The following ITGA2 variants were observed in gnomAD, a reference collection of about 807,000 sequenced individuals.
ITGA2 encodes the protein integrin subunit alpha 2.
In ITGA2, 101 loss-of-function variants were observed where a neutral mutation model predicts 146.3. That is an observed-to-expected ratio of 0.69 (90% CI 0.59 to 0.81). The LOEUF is 0.81. Among genes scored for constraint, ITGA2 ranks in the 40% least tolerant of loss-of-function variants. The pLI, the probability that ITGA2 is intolerant of heterozygous loss-of-function variation, is 0.00. For missense variants in ITGA2, 1,281 were observed against 1,402.7 expected, an observed-to-expected ratio of 0.91 and a Z score of 1.39; for synonymous variants, 477 against 487.1, an observed-to-expected ratio of 0.98 and a Z score of 0.27.
rs190842751 is a variant in ITGA2 at position 53,090,807 on chromosome 5, G to A, written c.*208G>A. Reference sequence around the variant, plus strand: ...GCGGGGGGCAGGTAGGGAAATAATAGGGAAAATACCTATTTTATATGATGG... The same window carrying A: ...GCGGGGGGCAGGTAGGGAAATAATAAGGAAAATACCTATTTTATATGATGG... On this transcript the variant is annotated 3_prime_UTR_variant, in exon 30 of 30. Coordinates refer to ENST00000296585, the MANE Select transcript of ITGA2 (RefSeq NM_002203.4). 2.2e-3 allele frequency: 1,334 copies of A among 610,832 alleles called. 11 individuals are homozygous for A. Among genetic ancestry groups the A allele is most frequent in the African/African-American group, 0.02 (1,098 of 53,740 alleles). The allele number at this position is 610,832 out of a possible 1,614,324, so 37.8% of individuals were successfully genotyped here. A position where few individuals can be genotyped will look rare whatever the true frequency, so the allele number is the denominator to read the frequency against.
intron 23 of ITGA2, among the ~76,000 whole-genome samples, chr5:53,077,274 A>G (rs80334121): frequency 6.6e-6 from 1 of 151,748 alleles, no homozygotes; most frequent in East Asian, 1.9e-4. Flanking sequence ...GCAATGCTGC[A>G]AAAAAAATAA....
In ITGA2 at chr5:53,090,942, G is replaced by T; in HGVS notation, c.*343G>T. ...CATGACAACTTTTAAAGAAAAATAT[G>T]ATACTCTCAGATTTTAAGGGGGAAA... On this transcript the variant is annotated 3_prime_UTR_variant, in exon 30 of 30. Transcript: ENST00000296585. 1.9e-6 allele frequency: 1 copy of T among 531,390 alleles called. No homozygotes were observed. Among genetic ancestry groups the T allele is most frequent in the South Asian group, 3.0e-5 (1 of 33,102 alleles). The allele number at this position is 531,390 out of a possible 1,614,324, so 32.9% of individuals were successfully genotyped here. A position where few individuals can be genotyped will look rare whatever the true frequency, so the allele number is the denominator to read the frequency against.
At position 53,077,622 on chromosome 5, in the gene ITGA2, C is replaced by G. The variant is rs186666058; in HGVS notation, c.2826-1150C>G. Reference sequence around the variant, plus strand: ...AATAATTCATGCACACACATCCAAGCTTTCTGTTTCAAATCCTAGTCAGTT... The same window carrying G: ...AATAATTCATGCACACACATCCAAGGTTTCTGTTTCAAATCCTAGTCAGTT... On this transcript the variant is annotated intron_variant, in intron 23 of 29. Coordinates refer to ENST00000296585, the MANE Select transcript of ITGA2 (RefSeq NM_002203.4). Among the ~76,000 whole-genome samples, 182 of 152,182 alleles carry G rather than the reference C, an allele frequency of 1.2e-3. 1 individual carries two copies. In the South Asian group the frequency reaches 0.027, roughly 23 times the overall value.
At chr5:53,007,589 C>T (rs995499946) in intron 1 of ITGA2, among the ~76,000 whole-genome samples, 5 of 152,006 alleles carry the variant, frequency 3.3e-5, no homozygotes, top group Non-Finnish European at 5.9e-5. Flanking sequence ...AAAGTGACTT[C>T]ATGAGATGGT....
At chr5:53,015,453 A>T (rs2111762935) in intron 1 of ITGA2, among the ~76,000 whole-genome samples, 1 of 135,978 alleles carries the variant, frequency 7.4e-6, no homozygotes, top group South Asian at 2.6e-4. Flanking sequence ...GCTGTGGTCC[A>T]AGACTGTGGT....
chr5:53,060,885 G>C lies in ITGA2; in HGVS notation c.1313-16G>C. 3 of 1,611,078 alleles carry C rather than the reference G, an allele frequency of 1.9e-6. No homozygotes were observed. The highest frequency in any genetic ancestry group is 2.5e-6 in the Non-Finnish European group (3 of 1,177,796). On this transcript the variant is annotated splice_polypyrimidine_tract_variant and intron_variant, in intron 11 of 29. Coordinates refer to ENST00000296585, the MANE Select transcript of ITGA2 (RefSeq NM_002203.4). ...GATAGTCAATGTTAATCACTCTGTTGCTCCTTCCCTTTTAGGTTACTCTGT... is the reference window on the plus strand; with the variant it reads ...GATAGTCAATGTTAATCACTCTGTTCCTCCTTCCCTTTTAGGTTACTCTGT...
intron 26 of ITGA2, among the ~76,000 whole-genome samples, chr5:53,082,996 GT>G (rs879719093): frequency 7.7e-5 from 11 of 142,780 alleles, no homozygotes; most frequent in South Asian, 4.5e-4. Context: ...ACAAGTTACA[GT>G]TTTGGGGGGG....
intron 1 of ITGA2, among the ~76,000 whole-genome samples, chr5:53,023,025 T>C (rs1221895561): frequency 6.6e-6 from 1 of 152,208 alleles, no homozygotes; most frequent in Non-Finnish European, 1.5e-5. Context: ...TGGAATACTT[T>C]GGCCTGGTTA....
At chr5:53,043,380 G>T (rs1480135792) in intron 3 of ITGA2, among the ~76,000 whole-genome samples, 1 of 151,922 alleles carries the variant, frequency 6.6e-6, no homozygotes, top group African/African-American at 2.4e-5. Flanking sequence ...ACATGTACTG[G>T]CCTATCTTCT....
At chr5:53,020,598 T>G (rs1742627309) in intron 1 of ITGA2, among the ~76,000 whole-genome samples, 1 of 152,046 alleles carries the variant, frequency 6.6e-6, no homozygotes, top group Non-Finnish European at 1.5e-5. Context: ...ATGCTTATAG[T>G]CCTTCTAGTC....
In ITGA2 at chr5:53,032,302, TA is replaced by T. The variant is rs908405276; in HGVS notation, c.185+5444del. On this transcript the variant is annotated intron_variant, in intron 2 of 29. Transcript: ENST00000296585. ...GATGTGCCTATAGGAGAACTTTAAA[TA>T]AAAAAAAAAGTTTAATTCTATAACA... 4.8e-4 allele frequency among the ~76,000 whole-genome samples: 72 copies of T among 149,032 alleles called. 1 individual carries two copies. Among genetic ancestry groups the T allele is most frequent in the East Asian group, 2.5e-3 (13 of 5,114 alleles).
At chr5:53,023,703 G>C (rs969669592) in intron 1 of ITGA2, among the ~76,000 whole-genome samples, 1 of 152,130 alleles carries the variant, frequency 6.6e-6, no homozygotes. Context: ...ACCAAATATG[G>C]TTCTTATTAT....
chr5:53,083,381 G>T lies in ITGA2; in HGVS notation c.3186G>T (p.Leu1062Phe), dbSNP rs1022527999. The change falls in exon 27 of 30, where the codon TTG (leucine) becomes TTT (phenylalanine). Residue 1062 changes from leucine (L) to phenylalanine (F), a missense_variant. By Grantham distance (22) the Leu-to-Phe change is conservative. Coordinates refer to ENST00000296585, the MANE Select transcript of ITGA2 (RefSeq NM_002203.4). ...CCTGTAGTAATGTTACCTGCTGGTT[G>T]AAAGACGTTCACATGAAAGGAGAAT... The part of the protein sequence containing the change: ...TASCSNVTCW[L>F]KDVHMKGEYF... 2 of 1,613,600 alleles carry T rather than the reference G, an allele frequency of 1.2e-6. No individual in the cohort carries two copies. Among genetic ancestry groups the T allele is most frequent in the African/African-American group, 2.7e-5 (2 of 74,902 alleles).
chr5:53,047,462 G>C lies in ITGA2; in HGVS notation c.388-901G>C, dbSNP rs533592242. ...ATGGAGATATTAAGGATTGGAGCAG[G>C]TATAATGTGAGCAAGAAGACAAGTG... is the stretch of plus-strand genomic sequence containing the variant. On this transcript the variant is annotated intron_variant, in intron 4 of 29. Transcript: ENST00000296585. Among the ~76,000 whole-genome samples, 5 of 152,166 alleles carry C rather than the reference G, an allele frequency of 3.3e-5. No individual in the cohort carries two copies. The South Asian group carries it at 1.0e-3, about 32-fold the overall frequency.
chr5:53,036,997 G>T (rs553041331), intron 2 of ITGA2, among the ~76,000 whole-genome samples: 9 of 152,262 alleles, frequency 5.9e-5, no homozygotes, highest in Admixed American at 2.6e-4. Context: ...GTACATCTCT[G>T]TCAGTAATCT....
intron 5 of ITGA2, 49 bp from the exon 6 acceptor site, chr5:53,048,594 A>G (rs371749737): frequency 1.6e-5 from 26 of 1,613,872 alleles, no homozygotes; most frequent in Non-Finnish European, 2.2e-5. Flanking sequence ...ATGGCTGTGA[A>G]ATATGACTTA....
chr5:53,039,820 G>A (rs1310074055), intron 2 of ITGA2, among the ~76,000 whole-genome samples: 3 of 149,250 alleles, frequency 2.0e-5, no homozygotes, highest in Non-Finnish European at 4.4e-5. Context: ...TTAAATGATA[G>A]CATAGAATCA....
rs199827065 is a variant in ITGA2 at position 53,065,845 on chromosome 5, T to C, written c.1811T>C (p.Ile604Thr). 4 of 1,611,810 alleles carry C rather than the reference T, an allele frequency of 2.5e-6. No individual in the cohort carries two copies. The African/African-American group carries it at 5.3e-5, about 22-fold the overall frequency. The change falls in exon 15 of 30, where the codon ATC becomes ACC. Residue 604 changes from isoleucine to threonine, a missense_variant. By Grantham distance (89) the Ile-to-Thr change is moderately conservative. Coordinates refer to ENST00000296585, the MANE Select transcript of ITGA2 (RefSeq NM_002203.4). ...GTGTCAAACCTGCTCTTTTAGAAAA[T>C]CTTGGGATCCGATGGAGCCTTTAGG... Reference protein sequence around the residue: ...GTIRTKYSQKILGSDGAFRSH... With the variant: ...GTIRTKYSQKTLGSDGAFRSH...
chr5:53,016,109 C>T (rs1384819059), intron 1 of ITGA2, among the ~76,000 whole-genome samples: 1 of 152,100 alleles, frequency 6.6e-6, no homozygotes, highest in African/African-American at 2.4e-5. Context: ...TTGATTTGTG[C>T]GGATTTGATC....
Sources: allele counts gnomAD v4.1 joint callset (sites outside exome capture counted in the v4.1 genomes callset), GRCh38; gene constraint gnomAD v4.1.1; transcripts MANE v1.5; gene names NCBI Gene and HGNC (gene_info 2026-07-23, HGNC 2026-07-21).